Variants in FSIP1 observed in about 807,000 individuals in gnomAD.
The protein encoded by FSIP1 is fibrous sheath interacting protein 1.
A neutral mutation model predicts 60.9 loss-of-function variants in FSIP1; 65 were observed. The observed-to-expected ratio is 1.07, with a 90% CI of 0.87 to 1.31. FSIP1 has a LOEUF of 1.31. Among genes scored for constraint, FSIP1 ranks in the 40% most tolerant of loss-of-function variants. The pLI, the probability that FSIP1 is intolerant of heterozygous loss-of-function variation, is 0.00. For synonymous variants in FSIP1, 209 were observed against 221.2 expected (o/e 0.94, Z 0.49); for missense variants, 675 against 665.5 (o/e 1.01, Z -0.16).
At chr15:39,613,577 T>C (rs1169698970) in intron 11 of FSIP1, among the ~76,000 whole-genome samples, 2 of 152,028 alleles carry the variant, frequency 1.3e-5, no homozygotes, top group Non-Finnish European at 2.9e-5. Flanking sequence ...AAAACTGAAG[T>C]GGAAGAAAGC....
chr15:39,727,967 T>C (rs1896261005), intron 8 of FSIP1, among the ~76,000 whole-genome samples: 5 of 152,054 alleles, frequency 3.3e-5, no homozygotes, highest in Admixed American at 1.3e-4. Flanking sequence ...TGTACAAAAA[T>C]CAATAACATT....
intron 5 of FSIP1, among the ~76,000 whole-genome samples, chr15:39,749,973 G>T (rs1391982403): frequency 6.6e-6 from 1 of 151,728 alleles, no homozygotes; most frequent in Non-Finnish European, 1.5e-5. Context: ...AAGTTGTAGA[G>T]TACAAAATCA....
At chr15:39,668,605 T>C (rs1173244372) in intron 10 of FSIP1, among the ~76,000 whole-genome samples, 1 of 152,234 alleles carries the variant, frequency 6.6e-6, no homozygotes, top group Non-Finnish European at 1.5e-5. Flanking sequence ...TTAAATGACA[T>C]GCCAACTTCA....
At chr15:39,734,471 G>C (rs1896535363) in intron 8 of FSIP1, among the ~76,000 whole-genome samples, 1 of 151,974 alleles carries the variant, frequency 6.6e-6, no homozygotes, top group Non-Finnish European at 1.5e-5. Context: ...TAGTATTCTA[G>C]AACTAAAATT....
At chr15:39,721,417 A>G (rs559810750) in intron 9 of FSIP1, among the ~76,000 whole-genome samples, 2 of 152,338 alleles carry the variant, frequency 1.3e-5, no homozygotes, top group African/African-American at 4.8e-5. Context: ...CGCAGCATAC[A>G]CTTTCCGTAC....
At chr15:39,776,183 C>CAGAG (rs1898051858) in intron 2 of FSIP1, among the ~76,000 whole-genome samples, 1 of 28,528 alleles carries the variant, frequency 3.5e-5, no homozygotes, top group Non-Finnish European at 7.1e-5. Context: ...AGGGGAGGGG[C>CAGAG]GGAGGGAGGA....
At chr15:39,612,958 T>A (rs1891088661) in intron 11 of FSIP1, among the ~76,000 whole-genome samples, 1 of 151,958 alleles carries the variant, frequency 6.6e-6, no homozygotes, top group Admixed American at 6.6e-5. Flanking sequence ...TCATAATGAA[T>A]GATTTAGAAG....
At chr15:39,625,352 G>C (rs1264961527) in intron 10 of FSIP1, among the ~76,000 whole-genome samples, 1 of 152,202 alleles carries the variant, frequency 6.6e-6, no homozygotes, top group Non-Finnish European at 1.5e-5. Context: ...CTAGAAGCAG[G>C]AGGTAGGATT....
chr15:39,705,242 T>A (rs1326514378), intron 10 of FSIP1, among the ~76,000 whole-genome samples: 1 of 152,214 alleles, frequency 6.6e-6, no homozygotes, highest in East Asian at 1.9e-4. Flanking sequence ...ATTCTTTTGA[T>A]TTGTGAAAGA....
chr15:39,671,700 C>A (rs1173201901), intron 10 of FSIP1, among the ~76,000 whole-genome samples: 2 of 152,056 alleles, frequency 1.3e-5, no homozygotes, highest in East Asian at 3.9e-4. Context: ...GTTTAGCATG[C>A]AACAGATATT....
intron 10 of FSIP1, among the ~76,000 whole-genome samples, chr15:39,669,325 C>T (rs11857927): frequency 0.088 from 13,442 of 152,240 alleles, 729 homozygotes; most frequent in East Asian, 0.21. Flanking sequence ...CCTCTCTCTA[C>T]CCAAAACTGC....
At chr15:39,771,699 G>A (rs748786742) in intron 2 of FSIP1, among the ~76,000 whole-genome samples, 2 of 152,172 alleles carry the variant, frequency 1.3e-5, no homozygotes, top group Non-Finnish European at 2.9e-5. Context: ...AACAGACCTA[G>A]CAGAAAACGA....
intron 10 of FSIP1, among the ~76,000 whole-genome samples, chr15:39,649,630 G>C (rs1283917034): frequency 6.6e-6 from 1 of 151,988 alleles, no homozygotes; most frequent in Non-Finnish European, 1.5e-5. Context: ...CTGTACTTTG[G>C]TCTTTTCCAT....
At chr15:39,640,587 C>T (rs766392207) in intron 10 of FSIP1, among the ~76,000 whole-genome samples, 4 of 151,990 alleles carry the variant, frequency 2.6e-5, no homozygotes, top group Non-Finnish European at 5.9e-5. Flanking sequence ...TTCTGGGGTA[C>T]GTGATAAAAG....
At chr15:39,636,824 C>T (rs896268768) in intron 10 of FSIP1, among the ~76,000 whole-genome samples, 3 of 152,212 alleles carry the variant, frequency 2.0e-5, no homozygotes, top group African/African-American at 7.2e-5. Context: ...ATATATAGTA[C>T]AAAAGAGATT....
chr15:39,780,418 G>A (rs543243834), intron 1 of FSIP1, among the ~76,000 whole-genome samples: 4 of 152,144 alleles, frequency 2.6e-5, no homozygotes, highest in Admixed American at 6.5e-5. Flanking sequence ...CCAGCTACTC[G>A]GGAGGCTAAG....
chr15:39,694,279 G>A (rs1338347705), intron 10 of FSIP1, among the ~76,000 whole-genome samples: 1 of 151,812 alleles, frequency 6.6e-6, no homozygotes, highest in Non-Finnish European at 1.5e-5. Flanking sequence ...TTATCACTAG[G>A]AATTCCCTAA....
At chr15:39,671,466 G>A (rs559445571) in intron 10 of FSIP1, among the ~76,000 whole-genome samples, 1 of 152,246 alleles carries the variant, frequency 6.6e-6, no homozygotes, top group East Asian at 1.9e-4. Context: ...CTATGTTAAT[G>A]TTTAATTTGG....
intron 10 of FSIP1, among the ~76,000 whole-genome samples, chr15:39,676,496 G>C (rs1365344065): frequency 6.6e-6 from 1 of 152,200 alleles, no homozygotes; most frequent in Non-Finnish European, 1.5e-5. Flanking sequence ...TATTCCTGAA[G>C]ACTGTGTGCT....
Sources: allele counts gnomAD v4.1 joint callset (sites outside exome capture counted in the v4.1 genomes callset), GRCh38; gene constraint gnomAD v4.1.1; transcripts MANE v1.5; gene names NCBI Gene and HGNC (gene_info 2026-07-23, HGNC 2026-07-21).